IKBKE: variants seen among roughly 807,000 people sequenced by gnomAD.
IKBKE encodes the protein inhibitor of nuclear factor kappa-B kinase subunit epsilon.
A neutral mutation model predicts 92.1 loss-of-function variants in IKBKE; 45 were observed. The observed-to-expected ratio is 0.49, with a 90% CI of 0.38 to 0.63. IKBKE has a LOEUF of 0.63. Among genes scored for constraint, IKBKE ranks in the 20% least tolerant of loss-of-function variants. The pLI, the probability that IKBKE is intolerant of heterozygous loss-of-function variation, is 0.00. For synonymous variants in IKBKE, 374 were observed against 380.3 expected, an observed-to-expected ratio of 0.98 and a Z score of 0.19; for missense variants, 700 against 932.8, an observed-to-expected ratio of 0.75 and a Z score of 3.25.
chr1:206,478,199 C>T lies in IKBKE; in HGVS notation c.852C>T (p.Ile284=). 6.2e-7 allele frequency: 1 copy of T among 1,614,130 alleles called. No homozygotes were observed. Among genetic ancestry groups the T allele is most frequent in the East Asian group, 2.2e-5 (1 of 44,890 alleles). ...QSQLVPILAN[I]LEVEQAKCWG... ...AGCTGGTGCCCATCCTGGCCAACATCCTGGAGGTGGAGCAGGCCAAGTGCT... is the reference window on the plus strand; with the variant it reads ...AGCTGGTGCCCATCCTGGCCAACATTCTGGAGGTGGAGCAGGCCAAGTGCT... Residue 284 remains isoleucine, a synonymous_variant, in exon 9 of 22, where the codon ATC becomes ATT. Transcript: ENST00000581977. This position sits in a 1 kb window ranked among gnomAD's most constrained non-coding sequence, Gnocchi z 4.8.
At chr1:206,493,648 G>T (rs563650371) in intron 20 of IKBKE, among the ~76,000 whole-genome samples, 52 of 152,354 alleles carry the variant, frequency 3.4e-4, no homozygotes, top group Admixed American at 9.8e-4. Context: ...ATTTAGCCGG[G>T]TGTGGTGGCA....
rs1553386506 is a variant in IKBKE, at chr1:206,479,873, C to T, written c.1187C>T (p.Ala396Val). 1.2e-6 allele frequency: 2 copies of T among 1,613,928 alleles called. No homozygotes were observed. The highest frequency in any genetic ancestry group is 1.7e-6 in the Non-Finnish European group (2 of 1,179,972). ...IPKGLAFRDP[A>V]LDVPKFVPKV... ...CAGACAGGGTCTTTGTCTGCAGCTG[C>T]TCTGGACGTCCCCAAGTTCGTCCCC... The change falls in exon 11 of 22, where the codon GCT (alanine) becomes GTT (valine). Residue 396 changes from alanine to valine, a missense_variant. Transcript: ENST00000581977.
chr1:206,476,894 C>T lies in IKBKE; in HGVS notation c.701+56C>T. The T allele has an allele frequency of 6.3e-7, 1 of 1,588,222 alleles. No individual in the cohort carries two copies. The highest frequency in any genetic ancestry group is 1.3e-5 in the African/African-American group (1 of 74,604). Reference sequence around the variant, plus strand: ...CGGACTGGCAGTCCCCTGGCCCTTCCCCCACCGGTCCTTGCTGTGTCTTCT... The same window carrying T: ...CGGACTGGCAGTCCCCTGGCCCTTCTCCCACCGGTCCTTGCTGTGTCTTCT... On this transcript the variant is annotated intron_variant, in intron 7 of 21. Transcript: ENST00000581977. The surrounding 1 kb of genome is among the most constrained non-coding windows in gnomAD (Gnocchi z 5.1).
chr1:206,478,897 C>T lies in IKBKE; in HGVS notation c.993-46C>T. The T allele has an allele frequency of 6.6e-7, 1 of 1,517,690 alleles. No individual in the cohort carries two copies. The allele number at this position is 1,517,690 out of a possible 1,614,324, so 94.0% of individuals were successfully genotyped here. On this transcript the variant is annotated intron_variant, in intron 9 of 21. Coordinates refer to ENST00000581977, the MANE Select transcript of IKBKE (RefSeq NM_014002.4). The surrounding 1 kb of genome is among the most constrained non-coding windows in gnomAD (Gnocchi z 4.8). The stretch of plus-strand genomic sequence containing the variant: ...AGGTCACCCTAGCCCCCTGCCTTGC[C>T]TACTGACACCCCCTGCCCTCTGCTC...
chr1:206,493,914 G>C lies in IKBKE; in HGVS notation c.2046-6G>C, dbSNP rs1666085067. 6.2e-7 allele frequency: 1 copy of C among 1,613,586 alleles called. No individual in the cohort carries two copies. Among genetic ancestry groups the C allele is most frequent in the African/African-American group, 1.3e-5 (1 of 74,938 alleles). ...CAGCCGCCTCTCCTGCCTCTGCCTT[G>C]GGCAGCATGCAAGAGCTCTGCGAGG... On this transcript the variant is annotated splice_region_variant and splice_polypyrimidine_tract_variant and intron_variant, in intron 20 of 21. Transcript: ENST00000581977.
At chr1:206,495,917 C>T (rs782380652) in intron 21 of IKBKE, among the ~76,000 whole-genome samples, 195 bp from the exon 22 acceptor site, 2 of 152,174 alleles carry the variant, frequency 1.3e-5, no homozygotes, top group African/African-American at 2.4e-5. Context: ...TTTGCATGAG[C>T]TTTCCAAGTG....
Position 206,485,208 on chromosome 1 carries a change from C to G in IKBKE, c.1518C>G (p.Leu506=). The change falls in exon 15 of 22, where the codon CTC becomes CTG. Residue 506 remains leucine, a synonymous_variant. Coordinates refer to ENST00000581977, the MANE Select transcript of IKBKE (RefSeq NM_014002.4). The surrounding 1 kb of genome is among the most constrained non-coding windows in gnomAD (Gnocchi z 5.0). The part of the protein sequence containing the change: ...RSRLRTLAEV[L]SRCSQNITET... ...GTGCCCCACAGCTAGCGGAGGTCCTCTCCAGATGCTCCCAAAATATCACGG... is the reference window on the plus strand; with the variant it reads ...GTGCCCCACAGCTAGCGGAGGTCCTGTCCAGATGCTCCCAAAATATCACGG... The G allele has an allele frequency of 1.2e-6, 2 of 1,613,590 alleles. No individual in the cohort carries two copies. Among genetic ancestry groups the G allele is most frequent in the Non-Finnish European group, 1.7e-6 (2 of 1,179,490 alleles).
Position 206,487,480 on chromosome 1 carries a change from T to C in IKBKE, c.1617-434T>C, listed in dbSNP as rs782297678. On this transcript the variant is annotated intron_variant, in intron 15 of 21. Coordinates refer to ENST00000581977, the MANE Select transcript of IKBKE (RefSeq NM_014002.4). The surrounding 1 kb of genome is among the most constrained non-coding windows in gnomAD (Gnocchi z 5.3). ...AAACCAAGAAGCTATATTCTTCTGC[T>C]TTTTCCAGTTGACCAGAGAGAGATT... Among the ~76,000 whole-genome samples, 2 of 152,204 alleles carry C rather than the reference T, an allele frequency of 1.3e-5. No homozygotes were observed. Among genetic ancestry groups the C allele is most frequent in the African/African-American group, 4.8e-5 (2 of 41,438 alleles).
chr1:206,491,818 G>A, intron 18 of IKBKE, 69 bp downstream of exon 18: 1 of 1,126,764 alleles, frequency 8.9e-7, no homozygotes, highest in Admixed American at 1.7e-5. Context: ...AGAGGACCCA[G>A]GGCTTTGTGG....
chr1:206,479,879 A>T lies in IKBKE; in HGVS notation c.1193A>T (p.Asp398Val). 6.2e-7 allele frequency: 1 copy of T among 1,613,878 alleles called. No homozygotes were observed. Among genetic ancestry groups the T allele is most frequent in the Non-Finnish European group, 8.5e-7 (1 of 1,179,960 alleles). The change falls in exon 11 of 22, where the codon GAC (aspartate) becomes GTC (valine). Residue 398 changes from aspartate (D) to valine (V), a missense_variant. Asp to Val is a radical substitution (Grantham distance 152). Transcript: ENST00000581977. ...GGGTCTTTGTCTGCAGCTGCTCTGG[A>T]CGTCCCCAAGTTCGTCCCCAAAGTG... ...KGLAFRDPAL[D>V]VPKFVPKVDL...
At chr1:206,495,393 G>T (rs550228688) in intron 21 of IKBKE, among the ~76,000 whole-genome samples, 11 of 152,302 alleles carry the variant, frequency 7.2e-5, no homozygotes, top group Admixed American at 1.3e-4. Context: ...TTGCGCATAG[G>T]GGGGTGTGGA....
chr1:206,496,618 T>A lies in IKBKE; in HGVS notation c.*473T>A. 1 of 237,860 alleles carries A rather than the reference T, an allele frequency of 4.2e-6. No individual in the cohort carries two copies. Among genetic ancestry groups the A allele is most frequent in the Non-Finnish European group, 8.3e-6 (1 of 121,076 alleles). The allele number at this position is 237,860 out of a possible 1,614,324, so 14.7% of individuals were successfully genotyped here. A position where few individuals can be genotyped will look rare whatever the true frequency, so the allele number is the denominator to read the frequency against. The stretch of plus-strand genomic sequence containing the variant: ...TCAAGCGTTTCATGTTGAACACAGC[T>A]CTCTCCGCTCCCTTGTGATTTCTGA... On this transcript the variant is annotated 3_prime_UTR_variant, in exon 22 of 22. Coordinates refer to ENST00000581977, the MANE Select transcript of IKBKE (RefSeq NM_014002.4).
At chr1:206,491,023 A>C in intron 17 of IKBKE, 165 bp downstream of exon 17, 2 of 670,140 alleles carry the variant, frequency 3.0e-6, no homozygotes, top group South Asian at 3.3e-5. Context: ...GGGAGTATGC[A>C]TAGCTTAGTT....
rs868911910 is a variant in IKBKE at position 206,477,753 on chromosome 1, C to T, written c.706C>T (p.Arg236Trp). 1.9e-6 allele frequency: 3 copies of T among 1,555,834 alleles called. No individual in the cohort carries two copies. Among genetic ancestry groups the T allele is most frequent in the South Asian group, 1.2e-5 (1 of 84,364 alleles). ...GPRRNKEIMY[R>W]ITTEKPAGAI... ...ACCTGGCCTTCCTCCCCGCAGGTAC[C>T]GGATCACCACGGAGAAGCCGGCTGG... The change falls in exon 8 of 22, where the codon CGG (arginine) becomes TGG (tryptophan). Residue 236 changes from arginine to tryptophan, a missense_variant. By Grantham distance (101) the Arg-to-Trp change is moderately radical. Coordinates refer to ENST00000581977, the MANE Select transcript of IKBKE (RefSeq NM_014002.4).
Position 206,476,877 on chromosome 1 carries a change from C to T in IKBKE, c.701+39C>T, listed in dbSNP as rs2103456435. On this transcript the variant is annotated intron_variant, in intron 7 of 21. Coordinates refer to ENST00000581977, the MANE Select transcript of IKBKE (RefSeq NM_014002.4). This position sits in a 1 kb window ranked among gnomAD's most constrained non-coding sequence, Gnocchi z 5.1. ...CAGGGCAGGGAATGGGGCGGACTGG[C>T]AGTCCCCTGGCCCTTCCCCCACCGG... is the stretch of plus-strand genomic sequence containing the variant. 1 of 1,609,772 alleles carries T rather than the reference C, an allele frequency of 6.2e-7. No individual in the cohort carries two copies. The highest frequency in any genetic ancestry group is 8.5e-7 in the Non-Finnish European group (1 of 1,176,696).
intron 19 of IKBKE, 67 bp from the exon 20 acceptor site, chr1:206,493,199 C>T (rs1026880909): frequency 6.4e-6 from 10 of 1,553,302 alleles, no homozygotes; most frequent in Non-Finnish European, 8.9e-6. Context: ...CCTCCTCCAG[C>T]ACTCCCCCTA....
intron 5 of IKBKE, among the ~76,000 whole-genome samples, chr1:206,475,375 C>T (rs566373502): frequency 2.3e-4 from 35 of 152,192 alleles, no homozygotes; most frequent in Admixed American, 7.8e-4. Flanking sequence ...CAGAAAGTAC[C>T]ATGGTGGTTT....
chr1:206,476,228 A>C lies in IKBKE; in HGVS notation c.406A>C (p.Ile136Leu). The C allele has an allele frequency of 6.2e-7, 1 of 1,614,202 alleles. No homozygotes were observed. The highest frequency in any genetic ancestry group is 8.5e-7 in the Non-Finnish European group (1 of 1,180,026). Reference protein sequence around the residue: ...LRENGIVHRDIKPGNIMRLVG... With the variant: ...LRENGIVHRDLKPGNIMRLVG... Reference sequence around the variant, plus strand: ...GGAGAACGGCATTGTGCATCGCGACATCAAGCCGGGGAACATCATGCGCCT... The same window carrying C: ...GGAGAACGGCATTGTGCATCGCGACCTCAAGCCGGGGAACATCATGCGCCT... The change falls in exon 6 of 22, where the codon ATC becomes CTC. Residue 136 changes from isoleucine to leucine, a missense_variant. Transcript: ENST00000581977. The surrounding 1 kb of genome is among the most constrained non-coding windows in gnomAD (Gnocchi z 5.1).
At chr1:206,488,082 A>T in intron 16 of IKBKE, 92 bp downstream of exon 16, 1 of 941,508 alleles carries the variant, frequency 1.1e-6, no homozygotes, top group Non-Finnish European at 1.7e-6. Flanking sequence ...AGTGGCCACT[A>T]ACCTCCAGCT....
Sources: gnomAD v4.1 joint callset for allele counts (sites outside exome capture counted in the v4.1 genomes callset) on GRCh38, gnomAD v4.1.1 for gene constraint, Gnocchi (gnomAD v3.1) non-coding constraint, MANE v1.5 for transcripts, NCBI Gene and HGNC (gene_info 2026-07-23, HGNC 2026-07-21) for gene names.